ABCG1: variants seen among roughly 807,000 people sequenced by gnomAD.
ABCG1 encodes ATP-binding cassette sub-family G member 1.
In ABCG1, 29 loss-of-function variants were observed where a neutral mutation model predicts 69.2. The observed-to-expected ratio is 0.42, with a 90% CI of 0.31 to 0.57. ABCG1 has a LOEUF of 0.57. ABCG1 is among the 20% of genes least tolerant of loss of function. ABCG1 has a pLI of 0.15. For missense variants in ABCG1, 718 were observed against 898.1 expected, an observed-to-expected ratio of 0.80 and a Z score of 2.56; for synonymous variants, 370 against 374.8, an observed-to-expected ratio of 0.99 and a Z score of 0.15.
chr21:42,284,292 C>CACCTCTGTCCCG (rs2068894010), intron 6 of ABCG1, among the ~76,000 whole-genome samples: 1 of 152,176 alleles, frequency 6.6e-6, no homozygotes, highest in African/African-American at 2.4e-5. Flanking sequence ...GGGACCCCCC[C>CACCTCTGTCCCG]CCAGTCCTGG....
chr21:42,287,917 T>G lies in ABCG1; in HGVS notation c.1002T>G (p.Gly334=). The change falls in exon 9 of 15, where the codon GGT becomes GGG. Residue 334 remains glycine (G), a synonymous_variant. Coordinates refer to ENST00000398449, the MANE Select transcript of ABCG1 (RefSeq NM_016818.3). The surrounding 1 kb of genome is among the most constrained non-coding windows in gnomAD (Gnocchi z 6.2). ...TGGAGGTTGCATCCGGCGAGTACGG[T>G]GATCAGAACAGTCGGCTGGTGAGAG... ...FVMEVASGEY[G]DQNSRLVRAV... is the part of the protein sequence containing the mutation. 6.2e-7 allele frequency: 1 copy of G among 1,604,394 alleles called. No homozygotes were observed.
At chr21:42,233,380 C>A (rs2067929320) in intron 2 of ABCG1, among the ~76,000 whole-genome samples, 1 of 152,192 alleles carries the variant, frequency 6.6e-6, no homozygotes, top group Non-Finnish European at 1.5e-5. Context: ...CCTTCTTGCA[C>A]CATTTCTGAC....
upstream of ABCG1, chr21:42,219,049 G>A: frequency 3.8e-6 from 1 of 263,162 alleles, no homozygotes; most frequent in Non-Finnish European, 6.8e-6. The surrounding 1 kb of genome is among the most constrained non-coding windows in gnomAD (Gnocchi z 5.3). Flanking sequence ...ACGCGCACCT[G>A]CCGGCCCGCC....
chr21:42,217,054 C>T (rs2067648712), upstream of ABCG1, among the ~76,000 whole-genome samples: 1 of 152,236 alleles, frequency 6.6e-6, no homozygotes, highest in African/African-American at 2.4e-5. Flanking sequence ...TCACGCTCCA[C>T]ACACCATCCC....
intron 1 of ABCG1, among the ~76,000 whole-genome samples, chr21:42,223,781 A>G (rs2067768958): frequency 6.6e-6 from 1 of 152,220 alleles, no homozygotes; most frequent in Non-Finnish European, 1.5e-5. Flanking sequence ...TGAGTCTAGC[A>G]GAGAAAGTCA....
chr21:42,289,494 T>C (rs888041286), intron 10 of ABCG1, among the ~76,000 whole-genome samples: 4 of 152,076 alleles, frequency 2.6e-5, no homozygotes, highest in Non-Finnish European at 5.9e-5. Flanking sequence ...ATCATGAGGA[T>C]TGGGACGGGG....
At chr21:42,244,002 G>T (rs1327750173) in intron 2 of ABCG1, among the ~76,000 whole-genome samples, 4 of 151,532 alleles carry the variant, frequency 2.6e-5, no homozygotes, top group Non-Finnish European at 5.9e-5. Flanking sequence ...GTATTTTTTA[G>T]TAAAGACGGG....
intron 7 of ABCG1, 60 bp downstream of exon 7, chr21:42,284,743 A>T: frequency 6.4e-7 from 1 of 1,571,352 alleles, no homozygotes; most frequent in Non-Finnish European, 8.6e-7. Flanking sequence ...AGCCTGAATG[A>T]CACCAAACCC....
At chr21:42,215,423 A>G (rs1388657909), upstream of ABCG1, among the ~76,000 whole-genome samples, 1 of 152,260 alleles carries the variant, frequency 6.6e-6, no homozygotes, top group Non-Finnish European at 1.5e-5. Context: ...AGGGAAGGCC[A>G]GATGGAATAA....
chr21:42,287,082 G>T lies in ABCG1; in HGVS notation c.974-807G>T, dbSNP rs541571113. ...AAGTGCGGAAAAGGTAAGGGTGTTGGGGAGCTTTGGGCCTTAGCAAGAACG... is the reference window on the plus strand; with the variant it reads ...AAGTGCGGAAAAGGTAAGGGTGTTGTGGAGCTTTGGGCCTTAGCAAGAACG... On this transcript the variant is annotated intron_variant, in intron 8 of 14. Coordinates refer to ENST00000398449, the MANE Select transcript of ABCG1 (RefSeq NM_016818.3). The surrounding 1 kb of genome is among the most constrained non-coding windows in gnomAD (Gnocchi z 6.2). Among the ~76,000 whole-genome samples the T allele has an allele frequency of 6.6e-6, 1 of 152,238 alleles. No individual in the cohort carries two copies. The highest frequency in any genetic ancestry group is 2.4e-5 in the African/African-American group (1 of 41,468).
At chr21:42,294,900 A>C in intron 14 of ABCG1, 1 of 516,984 alleles carries the variant, frequency 1.9e-6, no homozygotes, top group Non-Finnish European at 3.5e-6. Context: ...GAGCCATGGC[A>C]GGACCAAGTG....
rs564942944 is a variant in ABCG1, at chr21:42,294,159, G to A, written c.1654-383G>A. Among the ~76,000 whole-genome samples, 32 of 152,226 alleles carry A rather than the reference G, an allele frequency of 2.1e-4. No individual in the cohort carries two copies. The Middle Eastern group carries it at 0.01, about 49-fold the overall frequency. ...GGCTGCAGTCCTTCCACTGTGCCCC[G>A]ACCGAAGGGGTGCCCGCCACACACC... is the stretch of plus-strand genomic sequence containing the variant. On this transcript the variant is annotated intron_variant, in intron 13 of 14. Coordinates refer to ENST00000398449, the MANE Select transcript of ABCG1 (RefSeq NM_016818.3).
chr21:42,282,135 G>A lies in ABCG1; in HGVS notation c.589-139G>A, dbSNP rs999511160. ...GCACTGGGCAGCCTGGAGTGGGTTC[G>A]ACTTGCGTGGCCTCCACGTGGGCCA... is the stretch of plus-strand genomic sequence containing the variant. On this transcript the variant is annotated intron_variant, in intron 5 of 14. Transcript: ENST00000398449. The A allele has an allele frequency of 1.1e-4, 132 of 1,216,266 alleles. No homozygotes were observed. In the Admixed American group the frequency reaches 1.6e-3, roughly 15 times the overall value. The allele number at this position is 1,216,266 out of a possible 1,614,324, so 75.3% of individuals were successfully genotyped here.
intron 5 of ABCG1, among the ~76,000 whole-genome samples, chr21:42,277,347 C>T (rs2068729316): frequency 6.6e-6 from 1 of 152,128 alleles, no homozygotes; most frequent in African/African-American, 2.4e-5. Flanking sequence ...TAAAAATAAC[C>T]ACCCTCCATC....
At position 42,296,222 on chromosome 21, in the gene ABCG1, T is replaced by C; in HGVS notation, c.1831T>C (p.Cys611Arg). 2 of 1,614,172 alleles carry C rather than the reference T, an allele frequency of 1.2e-6. No homozygotes were observed. Among genetic ancestry groups the C allele is most frequent in the Non-Finnish European group, 1.7e-6 (2 of 1,180,012 alleles). ...IYGLDREDLHCDIDETCHFQK... is the reference protein window; with the variant it reads ...IYGLDREDLHRDIDETCHFQK... ...TGGCTTAGACCGGGAAGATCTGCAC[T>C]GTGACATCGACGAGACGTGCCACTT... is the stretch of plus-strand genomic sequence containing the variant. Residue 611 changes from cysteine (C) to arginine (R), a missense_variant, in exon 15 of 15, where the codon TGT becomes CGT. Physicochemically the swap from Cys to Arg is radical, Grantham distance 180. Around this residue, in one of 2 missense-constraint regions of ABCG1, gnomAD observed 204 missense variants for 323.8 expected, o/e 0.63. Coordinates refer to ENST00000398449, the MANE Select transcript of ABCG1 (RefSeq NM_016818.3). This position sits in a 1 kb window ranked among gnomAD's most constrained non-coding sequence, Gnocchi z 5.4.
intron 2 of ABCG1, among the ~76,000 whole-genome samples, chr21:42,257,688 T>C (rs2068328039): frequency 6.6e-6 from 1 of 152,174 alleles, no homozygotes; most frequent in Non-Finnish European, 1.5e-5. Context: ...CAGAATGTGT[T>C]GAAATGTGTG....
Position 42,294,727 on chromosome 21 carries a change from C to T in ABCG1, c.1772+67C>T, listed in dbSNP as rs184505675. ...ACGGGGGAAGAACCGTCTCCAACAG[C>T]GTGAGGGGCTCACAAAAGCCACTCT... On this transcript the variant is annotated intron_variant, in intron 14 of 14. Transcript: ENST00000398449. 127 of 1,435,714 alleles carry T rather than the reference C, an allele frequency of 8.8e-5. 1 individual carries two copies. Among genetic ancestry groups the T allele is most frequent in the South Asian group, 6.7e-4 (59 of 87,428 alleles). 88.9% of individuals were successfully genotyped at this position (1,435,714 alleles called of 1,614,324 possible). A position where few individuals can be genotyped will look rare whatever the true frequency, so the allele number is the denominator to read the frequency against.
chr21:42,290,348 C>A (rs1474296075), intron 11 of ABCG1, 130 bp downstream of exon 11: 4 of 1,044,210 alleles, frequency 3.8e-6, no homozygotes, highest in Non-Finnish European at 5.5e-6. Context: ...AAAATATCAT[C>A]TTCTTTGTTG....
At chr21:42,271,006 T>C (rs769037111) in intron 2 of ABCG1, 64 bp from the exon 3 acceptor site, 15 of 1,167,672 alleles carry the variant, frequency 1.3e-5, no homozygotes, top group Non-Finnish European at 1.7e-5. Context: ...TACTTGAACA[T>C]TTGCATATTT....
Sources: gnomAD v4.1 joint callset for allele counts (sites outside exome capture counted in the v4.1 genomes callset) on GRCh38, gnomAD v4.1.1 for gene constraint, gnomAD v4.1.1 regional missense constraint, Gnocchi (gnomAD v3.1) non-coding constraint, MANE v1.5 for transcripts, NCBI Gene and HGNC (gene_info 2026-07-23, HGNC 2026-07-21) for gene names.